Variants in IGSF11 observed in about 807,000 individuals in gnomAD.
The protein encoded by IGSF11 is CXADR like 1.
Under a neutral mutation model 41.0 loss-of-function variants are expected in IGSF11, and 22 were observed. The observed-to-expected ratio is 0.54, with a 90% CI of 0.38 to 0.77. The LOEUF (loss-of-function observed/expected upper bound fraction) is 0.77. Among genes scored for constraint, IGSF11 ranks in the 30% least tolerant of loss-of-function variants. IGSF11 has a pLI of 0.00. For missense variants in IGSF11, 444 were observed against 530.8 expected, an observed-to-expected ratio of 0.84 and a Z score of 1.61; for synonymous variants, 219 against 201.3, an observed-to-expected ratio of 1.09 and a Z score of -0.74.
At chr3:119,014,850 C>A (rs1438621602) in intron 1 of IGSF11, among the ~76,000 whole-genome samples, 1 of 152,106 alleles carries the variant, frequency 6.6e-6, no homozygotes, top group Non-Finnish European at 1.5e-5. Context: ...CCACTGTAAG[C>A]GGAAGAAATC....
chr3:119,034,660 C>T lies in IGSF11; in HGVS notation c.-78G>A, dbSNP rs1046511772. 76 of 1,473,810 alleles carry T rather than the reference C, an allele frequency of 5.2e-5. No individual in the cohort carries two copies. Among genetic ancestry groups the T allele is most frequent in the Non-Finnish European group, 6.3e-5 (70 of 1,105,890 alleles). The allele number at this position is 1,473,810 out of a possible 1,614,324, so 91.3% of individuals were successfully genotyped here. On this transcript the variant is annotated 5_prime_UTR_variant, in exon 1 of 7. Transcript: ENST00000393775. ...GGAGAGGAGCGGGCGTGAGTCTCCG[C>T]GCTCTTGGGGCAGCCTGGTCCTCCC...
chr3:119,121,041 A>G (rs2077327636), intron 1 of IGSF11, among the ~76,000 whole-genome samples: 1 of 152,210 alleles, frequency 6.6e-6, no homozygotes, highest in Admixed American at 6.5e-5. Context: ...AAACAACAAG[A>G]AAAACCACAG....
intron 1 of IGSF11, among the ~76,000 whole-genome samples, chr3:119,097,436 A>ATG (rs1282647248): frequency 0.02 from 2,970 of 152,118 alleles, 82 homozygotes; most frequent in African/African-American, 0.067. Flanking sequence ...CTGGGGAGCA[A>ATG]ACTGCTTATG....
chr3:118,993,717 C>T (rs746654489), intron 1 of IGSF11, among the ~76,000 whole-genome samples: 30 of 152,070 alleles, frequency 2.0e-4, no homozygotes, highest in Non-Finnish European at 7.4e-5. Context: ...CATGGATGAA[C>T]CTTGAAAACA....
intron 1 of IGSF11, among the ~76,000 whole-genome samples, chr3:119,101,284 C>A (rs902495132): frequency 1.3e-5 from 2 of 152,116 alleles, no homozygotes; most frequent in African/African-American, 4.8e-5. Flanking sequence ...CCAAGGTGGG[C>A]AGATTACCTG....
intron 1 of IGSF11, among the ~76,000 whole-genome samples, chr3:118,971,452 A>AT (rs1272152600): frequency 6.6e-6 from 1 of 152,170 alleles, no homozygotes; most frequent in African/African-American, 2.4e-5. Flanking sequence ...CCTTATTTCA[A>AT]TAACATTAAT....
intron 1 of IGSF11, among the ~76,000 whole-genome samples, chr3:119,078,781 C>G (rs1003552792): frequency 6.6e-6 from 1 of 152,058 alleles, no homozygotes; most frequent in African/African-American, 2.4e-5. Flanking sequence ...AAACTGACTA[C>G]CTAAATAATG....
chr3:118,905,803 C>A (rs1026377592), intron 4 of IGSF11, 85 bp from the exon 5 acceptor site: 4 of 1,460,896 alleles, frequency 2.7e-6, no homozygotes, highest in East Asian at 2.3e-5. Context: ...TAAAAACAGA[C>A]GAACACTGGA....
intron 1 of IGSF11, among the ~76,000 whole-genome samples, chr3:119,110,999 C>G (rs1379362911): frequency 6.6e-6 from 1 of 151,692 alleles, no homozygotes; most frequent in Non-Finnish European, 1.5e-5. Context: ...GGTAACCCGA[C>G]CTTTTTCTCT....
intron 1 of IGSF11, among the ~76,000 whole-genome samples, chr3:119,042,806 C>T: frequency 6.6e-6 from 1 of 152,178 alleles, no homozygotes; most frequent in East Asian, 1.9e-4. Flanking sequence ...CCTCCTACTA[C>T]CTCAGCTGGT....
At chr3:118,990,395 T>C (rs1242621877) in intron 1 of IGSF11, among the ~76,000 whole-genome samples, 1 of 152,170 alleles carries the variant, frequency 6.6e-6, no homozygotes, top group Non-Finnish European at 1.5e-5. Flanking sequence ...GTGCCTTACT[T>C]AAGATGGGTC....
intron 1 of IGSF11, among the ~76,000 whole-genome samples, chr3:119,071,990 G>T (rs571753617): frequency 6.6e-6 from 1 of 151,832 alleles, no homozygotes; most frequent in Non-Finnish European, 1.5e-5. Flanking sequence ...ACTTATTTAG[G>T]TATTCTTTAA....
At chr3:119,101,390 T>C (rs947230538) in intron 1 of IGSF11, among the ~76,000 whole-genome samples, 3 of 151,980 alleles carry the variant, frequency 2.0e-5, no homozygotes, top group Non-Finnish European at 2.9e-5. Flanking sequence ...ATGTCTGTAG[T>C]CCCAGATACT....
At chr3:119,006,439 C>T (rs1319879340) in intron 1 of IGSF11, among the ~76,000 whole-genome samples, 2 of 117,692 alleles carry the variant, frequency 1.7e-5, no homozygotes, top group South Asian at 3.1e-4. Context: ...GTAATTTGAT[C>T]GTCTGAAGCC....
At chr3:118,991,448 GGATA>G (rs1311699069) in intron 1 of IGSF11, among the ~76,000 whole-genome samples, 1 of 152,044 alleles carries the variant, frequency 6.6e-6, no homozygotes, top group Non-Finnish European at 1.5e-5. Flanking sequence ...TCATGAACTG[GGATA>G]AATAAGCCTT....
intron 1 of IGSF11, among the ~76,000 whole-genome samples, chr3:119,006,168 T>C (rs1377882094): frequency 1.6e-5 from 2 of 125,870 alleles, no homozygotes; most frequent in South Asian, 2.8e-4. Context: ...CGTTTCTTTT[T>C]ATTCTTTTTT....
chr3:119,032,565 G>A (rs1193122674), intron 1 of IGSF11, among the ~76,000 whole-genome samples: 1 of 152,056 alleles, frequency 6.6e-6, no homozygotes, highest in African/African-American at 2.4e-5. Flanking sequence ...CACATCTCCT[G>A]CTCTAGCAGC....
intron 1 of IGSF11, among the ~76,000 whole-genome samples, chr3:119,113,997 G>A (rs1227947692): frequency 6.6e-6 from 1 of 152,326 alleles, no homozygotes; most frequent in East Asian, 1.9e-4. Context: ...ACATATCTGG[G>A]GCCCTTTTAG....
At chr3:119,133,159 A>G (rs1397122077) in intron 1 of IGSF11, among the ~76,000 whole-genome samples, 2 of 152,338 alleles carry the variant, frequency 1.3e-5, no homozygotes, top group East Asian at 3.9e-4. Context: ...TAAAAGAACT[A>G]GAGAAGCAAG....
Sources: allele counts gnomAD v4.1 joint callset (sites outside exome capture counted in the v4.1 genomes callset), GRCh38; gene constraint gnomAD v4.1.1; transcripts MANE v1.5; gene names NCBI Gene and HGNC (gene_info 2026-07-23, HGNC 2026-07-21).